Variants in PRKCB observed in about 807,000 individuals in gnomAD.
PRKCB encodes protein kinase C beta type.
PRKCB carries 13 observed loss-of-function variants against 81.5 expected under a neutral mutation model. That is an observed-to-expected ratio of 0.16 (90% confidence interval 0.10 to 0.25). The LOEUF (loss-of-function observed/expected upper bound fraction) is 0.25, where lower values mean the gene tolerates loss of function less well. Among genes scored for constraint, PRKCB ranks in the 10% least tolerant of loss-of-function variants. The pLI is 1.00. For missense variants in PRKCB, 509 were observed against 875.7 expected (o/e 0.58, Z 5.29); for synonymous variants, 335 against 321.4 (o/e 1.04, Z -0.45).
chr16:24,013,613 C>A (rs1485743826), intron 3 of PRKCB, among the ~76,000 whole-genome samples: 1 of 152,026 alleles, frequency 6.6e-6, no homozygotes, highest in East Asian at 1.9e-4. Context: ...AATTATTACC[C>A]CCTGCTGGGA....
intron 3 of PRKCB, among the ~76,000 whole-genome samples, chr16:24,031,392 G>A (rs556131764): frequency 6.6e-6 from 1 of 152,228 alleles, no homozygotes; most frequent in Non-Finnish European, 1.5e-5. Context: ...CACCATCTTT[G>A]AACCAGTGGG....
intron 3 of PRKCB, among the ~76,000 whole-genome samples, chr16:24,015,373 A>G (rs1469704918): frequency 6.6e-6 from 1 of 152,222 alleles, no homozygotes; most frequent in Admixed American, 6.5e-5. Flanking sequence ...CATTCCAGCT[A>G]TAGAATCTGA....
intron 9 of PRKCB, among the ~76,000 whole-genome samples, chr16:24,140,317 A>T (rs1966886377): frequency 6.6e-6 from 1 of 152,194 alleles, no homozygotes; most frequent in Admixed American, 6.5e-5. Flanking sequence ...CTCAAAAGTG[A>T]AGAATTCGCC....
At chr16:24,062,097 T>C (rs774169161) in intron 5 of PRKCB, among the ~76,000 whole-genome samples, 1 of 152,230 alleles carries the variant, frequency 6.6e-6, no homozygotes, top group Non-Finnish European at 1.5e-5. Flanking sequence ...AGTATCTCAT[T>C]ACTAATTGTA....
intron 3 of PRKCB, among the ~76,000 whole-genome samples, chr16:23,997,122 A>G (rs1240103980): frequency 6.6e-6 from 1 of 152,198 alleles, no homozygotes; most frequent in Non-Finnish European, 1.5e-5. Flanking sequence ...GATTCTATTG[A>G]TAGTTAACAC....
intron 8 of PRKCB, among the ~76,000 whole-genome samples, chr16:24,114,428 G>T (rs6497725): frequency 0.26 from 39,491 of 151,542 alleles, 5,487 homozygotes; most frequent in East Asian, 0.49. Flanking sequence ...GAAATACCCT[G>T]GGGGTAGATC....
At chr16:23,882,750 CTTT>C (rs61020074) in intron 2 of PRKCB, among the ~76,000 whole-genome samples, 1,104 of 105,166 alleles carry the variant, frequency 0.01, 10 homozygotes, top group African/African-American at 0.029. Context: ...ATACAAATAT[CTTT>C]TTTTTTTTTT....
chr16:23,928,858 A>G (rs2141753762), intron 2 of PRKCB, among the ~76,000 whole-genome samples: 1 of 152,066 alleles, frequency 6.6e-6, no homozygotes, highest in African/African-American at 2.4e-5. Flanking sequence ...AGCTAGGATT[A>G]CAGGCGCCCA....
chr16:24,180,576 G>T (rs1233703113), intron 12 of PRKCB, among the ~76,000 whole-genome samples: 1 of 152,122 alleles, frequency 6.6e-6, no homozygotes, highest in Non-Finnish European at 1.5e-5. Flanking sequence ...ACTTGGCACA[G>T]TTGGCTGTGT....
intron 3 of PRKCB, among the ~76,000 whole-genome samples, chr16:23,995,931 C>T (rs1964950532): frequency 6.6e-6 from 1 of 151,914 alleles, no homozygotes; most frequent in Non-Finnish European, 1.5e-5. Context: ...CACTTTAGGA[C>T]ATCCCTGAGG....
chr16:24,060,693 G>C (rs1567360499), intron 5 of PRKCB, among the ~76,000 whole-genome samples: 1 of 152,214 alleles, frequency 6.6e-6, no homozygotes, highest in Non-Finnish European at 1.5e-5. Context: ...ATTGGTTGCT[G>C]GTGGGGAATG....
At chr16:24,100,198 G>A (rs986740049) in intron 7 of PRKCB, among the ~76,000 whole-genome samples, 2 of 152,020 alleles carry the variant, frequency 1.3e-5, no homozygotes, top group African/African-American at 4.8e-5. Context: ...ATAACAAGAC[G>A]TGTCCAATCT....
intron 3 of PRKCB, among the ~76,000 whole-genome samples, chr16:24,024,556 TTCAGAACAA>T (rs1247513624): frequency 6.6e-6 from 1 of 152,232 alleles, no homozygotes; most frequent in Non-Finnish European, 1.5e-5. Context: ...TGTGTGTATA[TTCAGAACAA>T]TCAGAACAAT....
chr16:24,125,665 C>T (rs1038127958), intron 9 of PRKCB, among the ~76,000 whole-genome samples: 6 of 152,200 alleles, frequency 3.9e-5, no homozygotes, highest in Non-Finnish European at 8.8e-5. Flanking sequence ...GTCTAAGCTC[C>T]ACAAGAGTAG....
At chr16:24,034,465 A>G (rs571316638) in intron 4 of PRKCB, among the ~76,000 whole-genome samples, 27 of 152,328 alleles carry the variant, frequency 1.8e-4, no homozygotes, top group African/African-American at 6.3e-4. Flanking sequence ...CTCAAGACCT[A>G]GAAGAAATCA....
intron 5 of PRKCB, among the ~76,000 whole-genome samples, chr16:24,050,745 G>A (rs1354965736): frequency 3.3e-5 from 5 of 152,022 alleles, no homozygotes; most frequent in Admixed American, 2.0e-4. Flanking sequence ...ATGACCCGCC[G>A]CTTGAAAAAC....
rs1160842975 is a variant in PRKCB, at chr16:24,049,047, GTTTTTTTTTTTTTTTTT to G, written c.529+13514_529+13530del. 4.2e-4 allele frequency among the ~76,000 whole-genome samples: 21 copies of G among 49,694 alleles called. 1 individual carries two copies. The highest frequency in any genetic ancestry group is 4.0e-3 in the Admixed American group (11 of 2,732). 32.6% of individuals were successfully genotyped at this position (49,694 alleles called of 152,430 possible). A position where few individuals can be genotyped will look rare whatever the true frequency, so the allele number is the denominator to read the frequency against. On this transcript the variant is annotated intron_variant, in intron 5 of 16. Transcript: ENST00000643927. ...TGATAACATTTCTTCAAATTGGCCT[GTTTTTTTTTTTTTTTTT>G]TTTTTTTTTTTTTGCAGAAAGACAG...
chr16:24,032,037 T>G lies in PRKCB; in HGVS notation c.289-99T>G, dbSNP rs868725566. ...GGTACAATGACCTCTGGGGACCAAG[T>G]TCAGTTCTTGGTGAGTTCTCCAGTG... is the stretch of plus-strand genomic sequence containing the variant. On this transcript the variant is annotated intron_variant, in intron 3 of 16. Coordinates refer to ENST00000643927, the MANE Select transcript of PRKCB (RefSeq NM_002738.7). 6.4e-5 allele frequency: 51 copies of G among 794,084 alleles called. No individual in the cohort carries two copies. In the Middle Eastern group the frequency reaches 1.0e-3, roughly 15 times the overall value. 49.2% of individuals were successfully genotyped at this position (794,084 alleles called of 1,614,324 possible).
chr16:23,951,357 A>T (rs1236074439), intron 2 of PRKCB, among the ~76,000 whole-genome samples: 1 of 152,220 alleles, frequency 6.6e-6, no homozygotes, highest in Non-Finnish European at 1.5e-5. Flanking sequence ...GAGATTAGGC[A>T]TACGCTTTTT....
Sources: gnomAD v4.1 joint callset for allele counts (sites outside exome capture counted in the v4.1 genomes callset) on GRCh38, gnomAD v4.1.1 for gene constraint, MANE v1.5 for transcripts, NCBI Gene and HGNC (gene_info 2026-07-23, HGNC 2026-07-21) for gene names.